The following MAGI2 variants were observed in gnomAD, a reference collection of about 807,000 sequenced individuals.
MAGI2 encodes the protein membrane-associated guanylate kinase, WW and PDZ domain-containing protein 2.
MAGI2 carries 35 observed loss-of-function variants against 133.3 expected under a neutral mutation model. The observed-to-expected ratio is 0.26, with a 90% CI of 0.20 to 0.35. MAGI2 has a LOEUF of 0.35. Among genes scored for constraint, MAGI2 ranks in the 10% least tolerant of loss-of-function variants. The pLI, the probability that MAGI2 is intolerant of heterozygous loss-of-function variation, is 1.00. For synonymous variants in MAGI2, 729 were observed against 710.6 expected, an observed-to-expected ratio of 1.03 and a Z score of -0.41; for missense variants, 1,636 against 1,863.4, an observed-to-expected ratio of 0.88 and a Z score of 2.25.
chr7:78,949,883 C>T (rs998255663), intron 2 of MAGI2, among the ~76,000 whole-genome samples: 1 of 152,168 alleles, frequency 6.6e-6, no homozygotes, highest in Non-Finnish European at 1.5e-5. Flanking sequence ...AGGCCTTGCT[C>T]CCCTTCGGCT....
intron 2 of MAGI2, among the ~76,000 whole-genome samples, chr7:78,746,987 A>T (rs1485166538): frequency 6.6e-6 from 1 of 152,178 alleles, no homozygotes; most frequent in Non-Finnish European, 1.5e-5. Flanking sequence ...CCACTAATCA[A>T]TTTCTAAGAC....
intron 2 of MAGI2, among the ~76,000 whole-genome samples, chr7:78,980,006 G>A (rs1804639433): frequency 6.6e-6 from 1 of 151,746 alleles, no homozygotes. Context: ...CATAAATGAA[G>A]GTATCTGGAT....
intron 5 of MAGI2, among the ~76,000 whole-genome samples, chr7:78,498,489 A>T (rs1415934700): frequency 6.6e-6 from 1 of 152,208 alleles, no homozygotes; most frequent in African/African-American, 2.4e-5. Context: ...AAATGTAATT[A>T]GGAAAGGAAG....
chr7:78,834,645 T>G (rs1377726126), intron 2 of MAGI2, among the ~76,000 whole-genome samples: 3 of 152,198 alleles, frequency 2.0e-5, no homozygotes, highest in Admixed American at 2.0e-4. Flanking sequence ...AATGAACACA[T>G]GCATAAAAGC....
chr7:78,341,848 A>G (rs1053050144), intron 9 of MAGI2, among the ~76,000 whole-genome samples: 3 of 152,264 alleles, frequency 2.0e-5, no homozygotes, highest in African/African-American at 7.2e-5. Flanking sequence ...ACCTAAAACC[A>G]TAAAAACTCT....
In MAGI2 at chr7:78,560,928, C is replaced by T. The variant is rs534288559; in HGVS notation, c.539-39283G>A. On this transcript the variant is annotated intron_variant, in intron 3 of 21. Transcript: ENST00000354212. ...TTATAAAGATTTTAGGTTGCATCAA[C>T]CTGGAACTTTCTCAGGCATTATACA... Among the ~76,000 whole-genome samples the T allele has an allele frequency of 6.4e-4, 97 of 152,224 alleles. No homozygotes were observed. In the Middle Eastern group the frequency reaches 0.01, roughly 16 times the overall value.
chr7:79,252,314 G>T (rs1833364977), intron 1 of MAGI2, among the ~76,000 whole-genome samples: 1 of 151,992 alleles, frequency 6.6e-6, no homozygotes, highest in Non-Finnish European at 1.5e-5. Flanking sequence ...AGTAAAATAA[G>T]CCAGAAACAA....
chr7:78,258,201 C>T (rs1373496625), intron 9 of MAGI2, among the ~76,000 whole-genome samples: 1 of 152,050 alleles, frequency 6.6e-6, no homozygotes, highest in Non-Finnish European at 1.5e-5. Flanking sequence ...AACGTGGGTC[C>T]ACGGCTCAGA....
chr7:79,203,969 G>T (rs948066511), intron 1 of MAGI2, among the ~76,000 whole-genome samples: 1 of 152,046 alleles, frequency 6.6e-6, no homozygotes, highest in Non-Finnish European at 1.5e-5. Context: ...ACAGTATTTG[G>T]TTGTAGTACA....
At chr7:78,719,183 G>T (rs530207435) in intron 2 of MAGI2, among the ~76,000 whole-genome samples, 13 of 152,218 alleles carry the variant, frequency 8.5e-5, no homozygotes, top group Admixed American at 8.5e-4. Flanking sequence ...GGATGTTAAA[G>T]AAAAAGGTAA....
chr7:78,236,032 T>G (rs1032099980), intron 10 of MAGI2, among the ~76,000 whole-genome samples: 12 of 151,786 alleles, frequency 7.9e-5, no homozygotes, highest in African/African-American at 2.2e-4. Context: ...TGTATGTTTT[T>G]TTTTTTTTTT....
intron 3 of MAGI2, among the ~76,000 whole-genome samples, chr7:78,585,891 G>A (rs1345190457): frequency 5.3e-5 from 8 of 152,156 alleles, no homozygotes; most frequent in Admixed American, 3.9e-4. Flanking sequence ...TGGAGATCAC[G>A]TAGATGAACC....
chr7:78,086,286 G>A (rs1816632379), intron 20 of MAGI2, among the ~76,000 whole-genome samples: 1 of 141,258 alleles, frequency 7.1e-6, no homozygotes, highest in Admixed American at 7.4e-5. Context: ...TGCCCAGGCT[G>A]GAGTGCAGTG....
intron 1 of MAGI2, among the ~76,000 whole-genome samples, chr7:79,220,485 T>C (rs1830366652): frequency 6.6e-6 from 1 of 151,980 alleles, no homozygotes; most frequent in South Asian, 2.1e-4. Flanking sequence ...ACCTCTCCTG[T>C]CCTCCTCACT....
intron 4 of MAGI2, among the ~76,000 whole-genome samples, chr7:78,505,326 G>GAA (rs1794988723): frequency 4.6e-5 from 7 of 152,054 alleles, no homozygotes; most frequent in Admixed American, 3.9e-4. Context: ...TTTACAAGTT[G>GAA]TCACTGTATT....
chr7:78,703,458 C>T (rs1451116756), intron 2 of MAGI2, among the ~76,000 whole-genome samples: 1 of 151,952 alleles, frequency 6.6e-6, no homozygotes, highest in East Asian at 1.9e-4. Context: ...CAGAATTTCT[C>T]ATCTGCTATC....
At chr7:78,474,238 C>T (rs1437254761) in intron 6 of MAGI2, among the ~76,000 whole-genome samples, 3 of 151,922 alleles carry the variant, frequency 2.0e-5, no homozygotes, top group African/African-American at 7.2e-5. Context: ...GTCTACAAAT[C>T]GTGTAAAGGA....
At chr7:79,223,760 T>C (rs150650109) in intron 1 of MAGI2, among the ~76,000 whole-genome samples, 1 of 152,132 alleles carries the variant, frequency 6.6e-6, no homozygotes, top group Non-Finnish European at 1.5e-5. Context: ...AAGAAGTAGC[T>C]CTGGTACACA....
chr7:78,808,266 AT>A (rs1360853053), intron 2 of MAGI2, among the ~76,000 whole-genome samples: 2 of 151,682 alleles, frequency 1.3e-5, no homozygotes, highest in South Asian at 2.1e-4. Flanking sequence ...TTAATTTATT[AT>A]TTTTTTTGAG....
Sources: allele counts gnomAD v4.1 joint callset (sites outside exome capture counted in the v4.1 genomes callset), GRCh38; gene constraint gnomAD v4.1.1; transcripts MANE v1.5; gene names NCBI Gene and HGNC (gene_info 2026-07-23, HGNC 2026-07-21).